ARB2A: variants seen among roughly 807,000 people sequenced by gnomAD.
ARB2A encodes the protein cotranscriptional regulator ARB2A.
chr5:93,937,331 G>C, the ARB2A span, among the ~76,000 whole-genome samples: 1 of 151,436 alleles, frequency 6.6e-6, no homozygotes, highest in Non-Finnish European at 1.5e-5. Flanking sequence ...GGCTGGCCGC[G>C]GTGGTTCACA....
chr5:93,909,393 A>G, the ARB2A span, among the ~76,000 whole-genome samples: 2 of 151,026 alleles, frequency 1.3e-5, no homozygotes, highest in African/African-American at 4.8e-5. Context: ...TTTATGAATG[A>G]ACCAGAATTA....
chr5:94,077,184 C>T, the ARB2A span, among the ~76,000 whole-genome samples: 5 of 151,604 alleles, frequency 3.3e-5, no homozygotes, highest in Non-Finnish European at 7.4e-5. Flanking sequence ...ACCAACCTGG[C>T]TAACATGGTG....
the ARB2A span, among the ~76,000 whole-genome samples, chr5:93,829,452 T>G: frequency 1.3e-5 from 2 of 152,128 alleles, no homozygotes; most frequent in African/African-American, 4.8e-5. Context: ...TCAACCCTAT[T>G]TTTCCCAAGG....
the ARB2A span, among the ~76,000 whole-genome samples, chr5:93,690,135 C>A: frequency 6.6e-6 from 1 of 152,172 alleles, no homozygotes; most frequent in Non-Finnish European, 1.5e-5. Context: ...GCTGTTTGGG[C>A]AGACAACGAG....
the ARB2A span, among the ~76,000 whole-genome samples, chr5:94,001,773 A>G: frequency 6.6e-6 from 1 of 152,050 alleles, no homozygotes; most frequent in African/African-American, 2.4e-5. Flanking sequence ...TAAAATTCTC[A>G]GTCTGGTAAT....
the ARB2A span, among the ~76,000 whole-genome samples, chr5:94,082,412 A>C: frequency 1.3e-5 from 2 of 152,186 alleles, no homozygotes; most frequent in Non-Finnish European, 2.9e-5. Context: ...GAAATGTACC[A>C]TTTGCTACAG....
At chr5:93,839,223 T>C in the ARB2A span, among the ~76,000 whole-genome samples, 1 of 152,166 alleles carries the variant, frequency 6.6e-6, no homozygotes, top group African/African-American at 2.4e-5. Flanking sequence ...CTTCAATGCC[T>C]AGTTTATTGA....
At chr5:93,929,788 T>C in the ARB2A span, among the ~76,000 whole-genome samples, 1 of 152,210 alleles carries the variant, frequency 6.6e-6, no homozygotes, top group Admixed American at 6.5e-5. Flanking sequence ...TTCAAAATTA[T>C]TCTATTCAAA....
the ARB2A span, among the ~76,000 whole-genome samples, chr5:94,045,040 A>G: frequency 6.9e-6 from 1 of 145,342 alleles, no homozygotes; most frequent in African/African-American, 2.6e-5. Context: ...AATTGCTTGA[A>G]CCTGGGAGGC....
At chr5:93,764,339 A>G in the ARB2A span, among the ~76,000 whole-genome samples, 15 of 152,250 alleles carry the variant, frequency 9.9e-5, no homozygotes, top group Admixed American at 2.6e-4. Context: ...AGAATCAAAT[A>G]GACGCAATAA....
At chr5:93,930,819 C>T in the ARB2A span, among the ~76,000 whole-genome samples, 2 of 152,066 alleles carry the variant, frequency 1.3e-5, no homozygotes, top group Admixed American at 6.6e-5. Context: ...CATGAAAATA[C>T]TCTTTTTATT....
the ARB2A span, chr5:94,055,839 C>G: frequency 3.0e-6 from 3 of 985,426 alleles, no homozygotes; most frequent in Non-Finnish European, 3.6e-6. Context: ...AATCAGACAT[C>G]GAAACTGTCC....
the ARB2A span, among the ~76,000 whole-genome samples, chr5:93,779,909 G>T: frequency 1.3e-5 from 2 of 152,142 alleles, no homozygotes; most frequent in East Asian, 3.9e-4. Flanking sequence ...AGTGCTGAGT[G>T]ATTCCCTTTG....
At chr5:94,095,333 G>A in the ARB2A span, among the ~76,000 whole-genome samples, 3 of 152,140 alleles carry the variant, frequency 2.0e-5, no homozygotes, top group Non-Finnish European at 4.4e-5. Context: ...GTTTGGGCAA[G>A]ATTATGTTTT....
the ARB2A span, among the ~76,000 whole-genome samples, chr5:93,788,052 T>G: frequency 6.6e-6 from 1 of 152,208 alleles, no homozygotes; most frequent in African/African-American, 2.4e-5. Context: ...ACATAATTAA[T>G]CTGTTCTTTC....
chr5:93,670,599 A>C, the ARB2A span, among the ~76,000 whole-genome samples: 1 of 152,254 alleles, frequency 6.6e-6, no homozygotes, highest in Non-Finnish European at 1.5e-5. Context: ...GTTTAGGAAA[A>C]AAACAGCAGA....
the ARB2A span, among the ~76,000 whole-genome samples, chr5:93,651,186 A>C: frequency 1.7e-4 from 25 of 151,034 alleles, no homozygotes; most frequent in Admixed American, 1.3e-3. Flanking sequence ...CCCAGCCTGG[A>C]GTGCAGTGGT....
At chr5:93,979,540 C>T in the ARB2A span, among the ~76,000 whole-genome samples, 1 of 151,856 alleles carries the variant, frequency 6.6e-6, no homozygotes, top group Non-Finnish European at 1.5e-5. Context: ...ATTAAATAAC[C>T]ACTCTTGGAA....
At chr5:93,823,661 A>T in the ARB2A span, among the ~76,000 whole-genome samples, 1 of 152,222 alleles carries the variant, frequency 6.6e-6, no homozygotes, top group Non-Finnish European at 1.5e-5. Context: ...AATAAGGAAC[A>T]GGCAAAAAGC....
Sources: gnomAD v4.1 joint callset for allele counts (sites outside exome capture counted in the v4.1 genomes callset) on GRCh38, gnomAD v4.1.1 for gene constraint, MANE v1.5 for transcripts, NCBI Gene and HGNC (gene_info 2026-07-23, HGNC 2026-07-21) for gene names.